Variants in ATP10B observed in about 807,000 individuals in gnomAD.
ATP10B encodes phospholipid-transporting ATPase VB.
ATP10B carries 122 observed loss-of-function variants against 141.2 expected under a neutral mutation model. The ratio of observed to expected loss-of-function variants is 0.86; its 90% confidence interval spans 0.75 to 1.00. The LOEUF is 1.00. Among genes scored for constraint, ATP10B ranks in the 50% least tolerant of loss-of-function variants. ATP10B has a pLI of 0.00. For missense variants in ATP10B, 1,876 were observed against 1,825.3 expected, an observed-to-expected ratio of 1.03 and a Z score of -0.51; for synonymous variants, 685 against 692.0, an observed-to-expected ratio of 0.99 and a Z score of 0.16.
intron 1 of ATP10B, among the ~76,000 whole-genome samples, chr5:160,789,210 C>T (rs1039896593): frequency 6.6e-6 from 1 of 152,042 alleles, no homozygotes; most frequent in Non-Finnish European, 1.5e-5. Context: ...CCGGGAGACC[C>T]CTTTAGCAGT....
intron 6 of ATP10B, among the ~76,000 whole-genome samples, chr5:160,678,763 A>G (rs1423231506): frequency 1.3e-5 from 2 of 152,216 alleles, no homozygotes; most frequent in Non-Finnish European, 2.9e-5. Context: ...GTCAGGGGCT[A>G]GTATCGGCCC....
chr5:160,789,229 G>C (rs900236986), intron 1 of ATP10B, among the ~76,000 whole-genome samples: 6 of 152,118 alleles, frequency 3.9e-5, no homozygotes, highest in African/African-American at 1.4e-4. Context: ...GTAGAAGTGG[G>C]TTTGAACTAA....
intron 24 of ATP10B, among the ~76,000 whole-genome samples, chr5:160,571,556 C>T (rs1443130321): frequency 6.6e-6 from 1 of 152,186 alleles, no homozygotes; most frequent in Non-Finnish European, 1.5e-5. Flanking sequence ...GTTTTTCACT[C>T]ATGGACTCAT....
chr5:160,636,151 A>T, intron 11 of ATP10B, 31 bp downstream of exon 11: 1 of 1,570,442 alleles, frequency 6.4e-7, no homozygotes, highest in Non-Finnish European at 8.6e-7. Context: ...CACATATCTT[A>T]TTGGGCCCCT....
In ATP10B at chr5:160,766,739, A is replaced by G. The variant is rs564257867; in HGVS notation, c.-331+18820T>C. ...ACCACCTGTTCCCCCAAAACGATTG[A>G]ATAATAATTTAAAAAAGTTAGAAGG... On this transcript the variant is annotated intron_variant, in intron 2 of 25. Coordinates refer to ENST00000327245, the MANE Select transcript of ATP10B (RefSeq NM_025153.3). Among the ~76,000 whole-genome samples, 76 of 152,338 alleles carry G rather than the reference A, an allele frequency of 5.0e-4. No individual in the cohort carries two copies. The South Asian group carries it at 0.016, about 31-fold the overall frequency.
At chr5:160,672,522 T>A (rs1762775338) in intron 6 of ATP10B, among the ~76,000 whole-genome samples, 1 of 152,200 alleles carries the variant, frequency 6.6e-6, no homozygotes, top group Admixed American at 6.5e-5. Flanking sequence ...AGGTGTGGGC[T>A]CATCTGTCTG....
intron 18 of ATP10B, among the ~76,000 whole-genome samples, chr5:160,610,712 T>C (rs1357042102): frequency 6.6e-6 from 1 of 152,232 alleles, no homozygotes; most frequent in African/African-American, 2.4e-5. Flanking sequence ...GTTTGAGCCA[T>C]ATTAAAACTT....
At chr5:160,587,064 TA>T (rs1416127712) in intron 24 of ATP10B, among the ~76,000 whole-genome samples, 1 of 152,252 alleles carries the variant, frequency 6.6e-6, no homozygotes, top group East Asian at 1.9e-4. Context: ...GGTTTTCTTC[TA>T]GGGCTTTTAT....
At chr5:160,806,923 G>A (rs1772814900) in intron 1 of ATP10B, among the ~76,000 whole-genome samples, 1 of 152,138 alleles carries the variant, frequency 6.6e-6, no homozygotes, top group African/African-American at 2.4e-5. Flanking sequence ...TTACTGTAGG[G>A]AAATTTCCTT....
intron 2 of ATP10B, among the ~76,000 whole-genome samples, chr5:160,724,408 C>T (rs144320956): frequency 7.2e-5 from 11 of 152,064 alleles, no homozygotes; most frequent in African/African-American, 1.9e-4. Flanking sequence ...CAGGAAGGGG[C>T]CAGTGTACCT....
At chr5:160,837,495 CA>C in intron 1 of ATP10B, among the ~76,000 whole-genome samples, 1 of 152,148 alleles carries the variant, frequency 6.6e-6, no homozygotes, top group East Asian at 1.9e-4. Flanking sequence ...CATTTTACTT[CA>C]TGAGAAAGAC....
At chr5:160,914,011 A>T in the ATP10B span, among the ~76,000 whole-genome samples, 1 of 152,250 alleles carries the variant, frequency 6.6e-6, no homozygotes, top group African/African-American at 2.4e-5. Context: ...ATCATTTATC[A>T]TAATTTGTTA....
At chr5:160,674,977 C>T (rs955785427) in intron 6 of ATP10B, among the ~76,000 whole-genome samples, 8 of 152,136 alleles carry the variant, frequency 5.3e-5, no homozygotes, top group Non-Finnish European at 8.8e-5. Context: ...TTTGTCTCCT[C>T]CACTGTCAGG....
intron 1 of ATP10B, among the ~76,000 whole-genome samples, chr5:160,792,038 A>T (rs1257840372): frequency 6.6e-6 from 1 of 152,056 alleles, no homozygotes; most frequent in Admixed American, 6.6e-5. Flanking sequence ...CCTTAGTCCT[A>T]TGCAGTGTTA....
chr5:160,798,751 T>A (rs1772142480), intron 1 of ATP10B, among the ~76,000 whole-genome samples: 1 of 142,446 alleles, frequency 7.0e-6, no homozygotes, highest in African/African-American at 2.8e-5. Flanking sequence ...TCTATTTTTT[T>A]TTTTTTTTTT....
rs376512460 is a variant in ATP10B at position 160,622,592 on chromosome 5, G to C, written c.1621-7C>G. On this transcript the variant is annotated splice_polypyrimidine_tract_variant and splice_region_variant and intron_variant, in intron 13 of 25. Coordinates refer to ENST00000327245, the MANE Select transcript of ATP10B (RefSeq NM_025153.3). The stretch of plus-strand genomic sequence containing the variant: ...CTGGAGTTACATCTTTTTCCTGGAA[G>C]AGAAAGGCCAGAATGAGAGTCTTTT... 1 of 1,607,934 alleles carries C rather than the reference G, an allele frequency of 6.2e-7. No individual in the cohort carries two copies. The highest frequency in any genetic ancestry group is 8.5e-7 in the Non-Finnish European group (1 of 1,176,774).
chr5:160,660,312 G>A (rs1023333036), intron 7 of ATP10B, among the ~76,000 whole-genome samples: 3 of 152,160 alleles, frequency 2.0e-5, no homozygotes, highest in Admixed American at 6.5e-5. Flanking sequence ...GACCACTAAC[G>A]TTATGTGAAA....
At chr5:160,887,238 G>T in the ATP10B span, among the ~76,000 whole-genome samples, 1 of 152,118 alleles carries the variant, frequency 6.6e-6, no homozygotes, top group African/African-American at 2.4e-5. Context: ...TACACTATTT[G>T]TGTATAACCA....
upstream of ATP10B, among the ~76,000 whole-genome samples, chr5:160,853,690 C>T (rs1028934427): frequency 7.2e-5 from 11 of 152,164 alleles, no homozygotes; most frequent in East Asian, 1.9e-4. Context: ...GCCTGGAAAT[C>T]GTAAATACTA....
Sources: gnomAD v4.1 joint callset for allele counts (sites outside exome capture counted in the v4.1 genomes callset) on GRCh38, gnomAD v4.1.1 for gene constraint, MANE v1.5 for transcripts, NCBI Gene and HGNC (gene_info 2026-07-23, HGNC 2026-07-21) for gene names.